Variants in ENTPD1 observed in about 807,000 individuals in gnomAD.
ENTPD1 encodes ATP diphosphohydrolase.
In ENTPD1, 33 loss-of-function variants were observed where a neutral mutation model predicts 57.0. That is an observed-to-expected ratio of 0.58 (90% CI 0.44 to 0.77). The LOEUF (loss-of-function observed/expected upper bound fraction) is 0.77. ENTPD1 is among the 30% of genes least tolerant of loss of function. The pLI is 0.00. For synonymous variants in ENTPD1, 202 were observed against 218.8 expected, an observed-to-expected ratio of 0.92 and a Z score of 0.68; for missense variants, 501 against 603.4, an observed-to-expected ratio of 0.83 and a Z score of 1.78.
At chr10:95,811,165 C>T (rs1470807599) in intron 1 of ENTPD1, among the ~76,000 whole-genome samples, 2 of 152,150 alleles carry the variant, frequency 1.3e-5, no homozygotes, top group Non-Finnish European at 2.9e-5. Flanking sequence ...TCAAATTTCC[C>T]TCAAAATAGA....
chr10:95,863,674 G>A (rs1057336999), intron 8 of ENTPD1, among the ~76,000 whole-genome samples: 2 of 152,188 alleles, frequency 1.3e-5, no homozygotes, highest in African/African-American at 4.8e-5. Context: ...CCCAGCCAGC[G>A]GTTAGGATTT....
chr10:95,697,220 G>A, the ENTPD1 span, among the ~76,000 whole-genome samples: 1 of 151,758 alleles, frequency 6.6e-6, no homozygotes, highest in Admixed American at 6.6e-5. Context: ...ACCACTGTAG[G>A]AAGAGCCAGG....
intron 1 of ENTPD1, among the ~76,000 whole-genome samples, chr10:95,719,742 T>A (rs1342358240): frequency 1.3e-5 from 2 of 152,166 alleles, no homozygotes; most frequent in Admixed American, 6.5e-5. Context: ...TGTCCAGGTA[T>A]GAGAATTGAC....
chr10:95,822,452 A>C (rs900647226), intron 1 of ENTPD1, among the ~76,000 whole-genome samples: 1 of 151,712 alleles, frequency 6.6e-6, no homozygotes, highest in Non-Finnish European at 1.5e-5. Context: ...GCCCACCACC[A>C]TGCCTGGCTA....
chr10:95,743,696 T>A (rs945688572), intron 1 of ENTPD1, among the ~76,000 whole-genome samples: 5 of 152,114 alleles, frequency 3.3e-5, no homozygotes, highest in African/African-American at 9.7e-5. Context: ...GTTCAAATTA[T>A]TCTAATTTTG....
At chr10:95,704,751 A>AT in the ENTPD1 span, among the ~76,000 whole-genome samples, 1 of 151,834 alleles carries the variant, frequency 6.6e-6, no homozygotes, top group African/African-American at 2.4e-5. Flanking sequence ...AAAATCACTG[A>AT]TAATAAAGAA....
intron 1 of ENTPD1, among the ~76,000 whole-genome samples, chr10:95,747,768 C>T (rs2098007616): frequency 6.6e-6 from 1 of 152,190 alleles, no homozygotes; most frequent in Admixed American, 6.5e-5. Flanking sequence ...TATTACACAA[C>T]AGACAAATTG....
chr10:95,861,571 A>C (rs975253406), intron 8 of ENTPD1: 2 of 152,208 alleles, frequency 1.3e-5, no homozygotes, highest in African/African-American at 4.8e-5. Context: ...TGTCTAGAAC[A>C]TGAAAGAAAT....
chr10:95,715,479 T>G (rs1566086040), intron 1 of ENTPD1, among the ~76,000 whole-genome samples: 2 of 140,792 alleles, frequency 1.4e-5, no homozygotes, highest in South Asian at 4.3e-4. Flanking sequence ...TTAGATCTTG[T>G]TTTTTTTTTT....
chr10:95,730,839 T>A (rs1351387424), intron 1 of ENTPD1, among the ~76,000 whole-genome samples: 1 of 152,264 alleles, frequency 6.6e-6, no homozygotes, highest in African/African-American at 2.4e-5. Flanking sequence ...ACCTCACACT[T>A]GTATAACCTT....
intron 1 of ENTPD1, among the ~76,000 whole-genome samples, chr10:95,817,620 TC>T (rs961392148): frequency 1.5e-4 from 23 of 152,344 alleles, no homozygotes; most frequent in African/African-American, 5.5e-4. Flanking sequence ...TCAGGGCCTT[TC>T]TGTGTACAGT....
chr10:95,834,355 C>T (rs189323498), intron 2 of ENTPD1, among the ~76,000 whole-genome samples: 7 of 152,014 alleles, frequency 4.6e-5, no homozygotes, highest in Non-Finnish European at 5.9e-5. Flanking sequence ...TGGCCAGTAC[C>T]GTCTTTAGAG....
intron 7 of ENTPD1, among the ~76,000 whole-genome samples, chr10:95,854,898 A>C (rs1171768834): frequency 6.6e-6 from 1 of 152,180 alleles, no homozygotes; most frequent in Non-Finnish European, 1.5e-5. Flanking sequence ...GCTGAAAAGA[A>C]TGTATATTCT....
At chr10:95,719,284 G>A (rs916386511) in intron 1 of ENTPD1, among the ~76,000 whole-genome samples, 8 of 152,296 alleles carry the variant, frequency 5.3e-5, no homozygotes, top group Non-Finnish European at 1.0e-4. Flanking sequence ...GTCTCGCTCC[G>A]TTGGCAAGCT....
At chr10:95,747,541 CT>C (rs755472112) in intron 1 of ENTPD1, among the ~76,000 whole-genome samples, 13 of 152,202 alleles carry the variant, frequency 8.5e-5, no homozygotes, top group Non-Finnish European at 1.9e-4. Context: ...TCTGTCCCCC[CT>C]ATCTGGCCCC....
Position 95,731,781 on chromosome 10 carries a change from C to CTTTTTTTTTTTTTTT in ENTPD1, c.37+19795_37+19809dup, listed in dbSNP as rs34841311. ...GGTAAGAATTAGAGGAGTGGACATC[C>CTTTTTTTTTTTTTTT]TTTTTTTTTTTTTTTTTTTTTGACA... On this transcript the variant is annotated intron_variant, in intron 1 of 9. Transcript: ENST00000453258. Among the ~76,000 whole-genome samples the CTTTTTTTTTTTTTTT allele has an allele frequency of 6.4e-3, 503 of 79,158 alleles. 80 individuals carry two copies. Among genetic ancestry groups the CTTTTTTTTTTTTTTT allele is most frequent in the Non-Finnish European group, 8.5e-3 (374 of 43,950 alleles). The allele number at this position is 79,158 out of a possible 152,430, so 51.9% of individuals were successfully genotyped here. A position where few individuals can be genotyped will look rare whatever the true frequency, so the allele number is the denominator to read the frequency against.
At chr10:95,699,029 G>C in the ENTPD1 span, among the ~76,000 whole-genome samples, 1 of 152,110 alleles carries the variant, frequency 6.6e-6, no homozygotes, top group South Asian at 2.1e-4. Flanking sequence ...CAAAACCCAA[G>C]GCCGAGTACA....
upstream of ENTPD1, among the ~76,000 whole-genome samples, chr10:95,707,349 G>C (rs947601570): frequency 1.3e-5 from 2 of 152,196 alleles, no homozygotes; most frequent in Non-Finnish European, 2.9e-5. Context: ...CACAGTTTGG[G>C]GGGGCTGCAG....
intron 1 of ENTPD1, among the ~76,000 whole-genome samples, chr10:95,778,532 C>A (rs1156966603): frequency 6.6e-6 from 1 of 152,082 alleles, no homozygotes; most frequent in Non-Finnish European, 1.5e-5. Context: ...ACTAATATTC[C>A]CTAACTGTTG....
Sources: allele counts gnomAD v4.1 joint callset (sites outside exome capture counted in the v4.1 genomes callset), GRCh38; gene constraint gnomAD v4.1.1; transcripts MANE v1.5; gene names NCBI Gene and HGNC (gene_info 2026-07-23, HGNC 2026-07-21).